COG5: variants seen among roughly 807,000 people sequenced by gnomAD.
The protein encoded by COG5 is component of oligomeric golgi complex 5.
In COG5, 86 loss-of-function variants were observed where a neutral mutation model predicts 110.4. The observed-to-expected ratio is 0.78, with a 90% confidence interval of 0.65 to 0.93. COG5 has a LOEUF of 0.93. Ranked by LOEUF, COG5 falls within the 40% of genes least tolerant of loss-of-function variation. The probability of loss-of-function intolerance (pLI) is 0.00; values close to 1 mark genes in which losing one functional copy is unlikely to be tolerated. For synonymous variants in COG5, 360 were observed against 334.6 expected (o/e 1.08, Z -0.83); for missense variants, 1,077 against 987.0 (o/e 1.09, Z -1.22).
chr7:107,320,848 G>T (rs902528348), intron 11 of COG5, among the ~76,000 whole-genome samples: 1 of 152,124 alleles, frequency 6.6e-6, no homozygotes, highest in Admixed American at 6.5e-5. Flanking sequence ...GTTTTTGGAA[G>T]CTCAGTGAAC....
intron 6 of COG5, among the ~76,000 whole-genome samples, chr7:107,446,152 T>C (rs2129089863): frequency 6.6e-6 from 1 of 152,314 alleles, no homozygotes; most frequent in Admixed American, 6.5e-5. Context: ...TATTCAACCA[T>C]TCCTTTAACT....
chr7:107,412,455 T>G, intron 7 of COG5, 47 bp downstream of exon 7: 1 of 1,584,192 alleles, frequency 6.3e-7, no homozygotes, highest in Non-Finnish European at 8.6e-7. Context: ...TGTTCACCTG[T>G]ATTATGACAC....
intron 14 of COG5, among the ~76,000 whole-genome samples, chr7:107,267,636 A>G (rs1267757292): frequency 6.6e-6 from 1 of 152,200 alleles, no homozygotes; most frequent in Non-Finnish European, 1.5e-5. Flanking sequence ...TTATAGTACA[A>G]ACTAAACTTC....
At chr7:107,414,567 C>G (rs188556946) in intron 6 of COG5, among the ~76,000 whole-genome samples, 1 of 151,914 alleles carries the variant, frequency 6.6e-6, no homozygotes. Context: ...ACATGGCTAC[C>G]GGAATAAATG....
chr7:107,517,411 G>A (rs1800002904), intron 6 of COG5, among the ~76,000 whole-genome samples: 1 of 152,114 alleles, frequency 6.6e-6, no homozygotes, highest in African/African-American at 2.4e-5. Context: ...AATCAAGTTG[G>A]AAAAGACTCT....
At chr7:107,487,245 T>G (rs1231645979) in intron 6 of COG5, among the ~76,000 whole-genome samples, 1 of 152,056 alleles carries the variant, frequency 6.6e-6, no homozygotes, top group African/African-American at 2.4e-5. Context: ...TACAAACAGG[T>G]AACTCATCAA....
intron 18 of COG5, 50 bp from the exon 19 acceptor site, chr7:107,230,741 G>T (rs769557326): frequency 7.1e-7 from 1 of 1,408,386 alleles, no homozygotes; most frequent in Non-Finnish European, 1.0e-6. Context: ...ATCATTAGGG[G>T]AATTTGGGAA....
At chr7:107,214,559 A>G (rs1244165072) in intron 19 of COG5, among the ~76,000 whole-genome samples, 3 of 152,236 alleles carry the variant, frequency 2.0e-5, no homozygotes, top group African/African-American at 7.2e-5. Flanking sequence ...CATACTCAGA[A>G]AAACCTAGAA....
intron 6 of COG5, among the ~76,000 whole-genome samples, chr7:107,450,937 C>T (rs771376503): frequency 1.1e-4 from 16 of 152,124 alleles, no homozygotes; most frequent in Non-Finnish European, 1.5e-4. Flanking sequence ...AGACTACTTG[C>T]GCCAACCACA....
chr7:107,274,291 G>A (rs1042617809), intron 14 of COG5, among the ~76,000 whole-genome samples: 4 of 152,110 alleles, frequency 2.6e-5, no homozygotes, highest in Non-Finnish European at 4.4e-5. Flanking sequence ...GCAACATAGC[G>A]AAACCCTGTC....
intron 5 of COG5, among the ~76,000 whole-genome samples, chr7:107,539,059 C>T (rs1375676260): frequency 1.3e-5 from 2 of 152,064 alleles, no homozygotes; most frequent in African/African-American, 4.8e-5. Context: ...AGATGGATCA[C>T]TTGAGTCCAG....
intron 6 of COG5, among the ~76,000 whole-genome samples, chr7:107,428,179 A>G (rs1016941292): frequency 1.3e-5 from 2 of 152,134 alleles, no homozygotes; most frequent in African/African-American, 4.8e-5. Context: ...GATTTATATA[A>G]GACTTGTAGG....
chr7:107,254,094 T>G (rs1431848735), intron 16 of COG5, among the ~76,000 whole-genome samples: 1 of 152,100 alleles, frequency 6.6e-6, no homozygotes, highest in Non-Finnish European at 1.5e-5. Context: ...TAAATATTTT[T>G]GAATAAATGA....
chr7:107,333,242 G>A (rs1285462342), intron 10 of COG5, among the ~76,000 whole-genome samples: 1 of 152,118 alleles, frequency 6.6e-6, no homozygotes, highest in Non-Finnish European at 1.5e-5. Flanking sequence ...AGGGATCCTG[G>A]CAAAGCAAAT....
intron 19 of COG5, among the ~76,000 whole-genome samples, chr7:107,224,973 G>C (rs1261483097): frequency 6.6e-6 from 1 of 152,244 alleles, no homozygotes; most frequent in Non-Finnish European, 1.5e-5. Context: ...TCACCATCAA[G>C]AAGAAAGTGC....
chr7:107,322,666 T>C (rs1584676370), intron 11 of COG5, among the ~76,000 whole-genome samples: 1 of 152,296 alleles, frequency 6.6e-6, no homozygotes, highest in South Asian at 2.1e-4. Flanking sequence ...ATTATAGCAC[T>C]GCAGTTTCTG....
intron 6 of COG5, among the ~76,000 whole-genome samples, chr7:107,493,209 T>C (rs2299427): frequency 0.017 from 2,606 of 152,270 alleles, 47 homozygotes; most frequent in East Asian, 0.076. Flanking sequence ...AAGGCCCACA[T>C]TGAATGGCAA....
intron 12 of COG5, among the ~76,000 whole-genome samples, chr7:107,292,472 A>G (rs1806255251): frequency 6.6e-6 from 1 of 152,222 alleles, no homozygotes; most frequent in Non-Finnish European, 1.5e-5. Flanking sequence ...AACAACTTTT[A>G]GAACTGACTG....
chr7:107,289,101 A>T (rs1805944380), intron 12 of COG5, among the ~76,000 whole-genome samples: 1 of 151,362 alleles, frequency 6.6e-6, no homozygotes, highest in African/African-American at 2.4e-5. Context: ...GCTGGGAATT[A>T]CAGGCATGAG....
Sources: allele counts gnomAD v4.1 joint callset (sites outside exome capture counted in the v4.1 genomes callset), GRCh38; gene constraint gnomAD v4.1.1; transcripts MANE v1.5; gene names NCBI Gene and HGNC (gene_info 2026-07-23, HGNC 2026-07-21).